The following AK4 variants were observed in gnomAD, a reference collection of about 807,000 sequenced individuals.
The protein encoded by AK4 is adenylate kinase 4, mitochondrial.
Under a neutral mutation model 24.6 loss-of-function variants are expected in AK4, and 13 were observed. That is an observed-to-expected ratio of 0.53 (90% CI 0.34 to 0.84). The LOEUF (loss-of-function observed/expected upper bound fraction) is 0.84. Ranked by LOEUF, AK4 falls within the 40% of genes least tolerant of loss-of-function variation. AK4 has a pLI of 0.01. For missense variants in AK4, 192 were observed against 288.2 expected, an observed-to-expected ratio of 0.67 and a Z score of 2.42; for synonymous variants, 88 against 107.0, an observed-to-expected ratio of 0.82 and a Z score of 1.10.
At chr1:65,167,351 G>A (rs1287029971) in intron 1 of AK4, among the ~76,000 whole-genome samples, 1 of 152,082 alleles carries the variant, frequency 6.6e-6, no homozygotes, top group East Asian at 1.9e-4. Flanking sequence ...GTCTACAAGA[G>A]AGCTATAAAA....
At chr1:65,206,358 G>A (rs1320529948) in intron 2 of AK4, among the ~76,000 whole-genome samples, 1 of 152,194 alleles carries the variant, frequency 6.6e-6, no homozygotes, top group Non-Finnish European at 1.5e-5. Flanking sequence ...AAAAATATGG[G>A]CCTATGGTGA....
chr1:65,225,643 C>A (rs1054522140), intron 4 of AK4, among the ~76,000 whole-genome samples: 1 of 152,116 alleles, frequency 6.6e-6, no homozygotes, highest in Non-Finnish European at 1.5e-5. Context: ...GTAGTCCCCC[C>A]CAAAATTTAG....
intron 1 of AK4, among the ~76,000 whole-genome samples, chr1:65,171,456 C>T (rs1203619361): frequency 2.0e-5 from 3 of 151,524 alleles, no homozygotes; most frequent in Non-Finnish European, 4.4e-5. Context: ...TACAGGCGCC[C>T]GCCATCATGC....
Position 65,230,702 on chromosome 1 carries a change from T to C in AK4, c.*4525T>C, listed in dbSNP as rs1453382034. 6.6e-6 allele frequency: 1 copy of C among 152,230 alleles called. No homozygotes were observed. Among genetic ancestry groups the C allele is most frequent in the Non-Finnish European group, 1.5e-5 (1 of 68,040 alleles). The allele number at this position is 152,230 out of a possible 1,614,324, so 9.4% of individuals were successfully genotyped here. On this transcript the variant is annotated 3_prime_UTR_variant, in exon 5 of 5. Transcript: ENST00000327299. Reference sequence around the variant, plus strand: ...TTTCCCTAGTTTGAGCTCCCTGTTCTCTTTAACAGATAAAACAACATATTT... The same window carrying C: ...TTTCCCTAGTTTGAGCTCCCTGTTCCCTTTAACAGATAAAACAACATATTT...
intron 1 of AK4, among the ~76,000 whole-genome samples, chr1:65,165,353 A>G (rs956906240): frequency 6.6e-6 from 1 of 152,128 alleles, no homozygotes; most frequent in Non-Finnish European, 1.5e-5. Context: ...TTTTTGATGT[A>G]GGTATCATGT....
At chr1:65,190,261 T>C (rs531990648) in intron 1 of AK4, among the ~76,000 whole-genome samples, 1 of 128,270 alleles carries the variant, frequency 7.8e-6, no homozygotes, top group African/African-American at 3.5e-5. Context: ...TCTTTCTTTC[T>C]TTTTTTTTTT....
intron 1 of AK4, among the ~76,000 whole-genome samples, chr1:65,177,512 C>T (rs1244448051): frequency 6.6e-6 from 1 of 152,182 alleles, no homozygotes; most frequent in Non-Finnish European, 1.5e-5. Context: ...CTTGTACAAC[C>T]TTCCTTGAGG....
intron 3 of AK4, among the ~76,000 whole-genome samples, chr1:65,223,527 G>A (rs1009306058): frequency 2.0e-5 from 3 of 151,916 alleles, no homozygotes; most frequent in African/African-American, 7.3e-5. Context: ...AGAGTGGGGG[G>A]GTTCTTGCCT....
chr1:65,184,140 T>TATTTGA lies in AK4; in HGVS notation c.146-6565_146-6560dup, dbSNP rs1217510000. 2.6e-5 allele frequency among the ~76,000 whole-genome samples: 4 copies of TATTTGA among 152,206 alleles called. No individual in the cohort carries two copies. The East Asian group carries it at 7.7e-4, about 29-fold the overall frequency. ...TTCTCAAGGTTACCAAGATTATATCTATTTGAATTTAGTAGTGATTGAATG... is the reference window on the plus strand; with the variant it reads ...TTCTCAAGGTTACCAAGATTATATCTATTTGAATTTGAATTTAGTAGTGATTGAATG... On this transcript the variant is annotated intron_variant, in intron 1 of 4. Transcript: ENST00000327299.
intron 2 of AK4, among the ~76,000 whole-genome samples, chr1:65,200,039 C>CTT (rs10633741): frequency 0.48 from 73,546 of 151,854 alleles, 19,738 homozygotes; most frequent in East Asian, 0.72. Context: ...GACCACATGA[C>CTT]TGCTAGAAGA....
intron 1 of AK4, among the ~76,000 whole-genome samples, chr1:65,176,508 C>A (rs112372178): frequency 1.3e-5 from 2 of 152,110 alleles, no homozygotes; most frequent in Admixed American, 1.3e-4. Flanking sequence ...GCATAATGAT[C>A]AGTTGATTTC....
chr1:65,174,043 G>C (rs1468803726), intron 1 of AK4, among the ~76,000 whole-genome samples: 1 of 152,076 alleles, frequency 6.6e-6, no homozygotes. Context: ...CTTAGGTTCA[G>C]CTCACTGATT....
chr1:65,195,405 CTT>C (rs1651435660), intron 2 of AK4, among the ~76,000 whole-genome samples: 1 of 152,184 alleles, frequency 6.6e-6, no homozygotes, highest in Non-Finnish European at 1.5e-5. Context: ...TAAACTTTGA[CTT>C]TGCCACCACG....
At chr1:65,167,467 T>G (rs1278791578) in intron 1 of AK4, among the ~76,000 whole-genome samples, 1 of 152,102 alleles carries the variant, frequency 6.6e-6, no homozygotes, top group Non-Finnish European at 1.5e-5. Flanking sequence ...TAGATTTTTT[T>G]TTTTTTACAC....
At chr1:65,198,920 T>C (rs1651572030) in intron 2 of AK4, among the ~76,000 whole-genome samples, 6 of 151,180 alleles carry the variant, frequency 4.0e-5, no homozygotes, top group Admixed American at 6.6e-5. Context: ...TACAAAAATA[T>C]AGAAAAATTA....
intron 1 of AK4, among the ~76,000 whole-genome samples, chr1:65,161,290 T>C (rs757764016): frequency 1.3e-5 from 2 of 152,142 alleles, no homozygotes; most frequent in African/African-American, 2.4e-5. Context: ...ATTTGTCACA[T>C]GTCCCAGCAT....
At chr1:65,152,378 ATATATATTTTTTTTTTTTTTT>A (rs1557434516) in intron 1 of AK4, among the ~76,000 whole-genome samples, 31 of 58,198 alleles carry the variant, frequency 5.3e-4, no homozygotes, top group African/African-American at 1.7e-3. Context: ...ATATATATAT[ATATATATTTTTTTTTTTTTTT>A]TTTTTTTTTT....
intron 1 of AK4, among the ~76,000 whole-genome samples, chr1:65,189,855 A>C (rs148645305): frequency 3.9e-5 from 6 of 152,348 alleles, no homozygotes; most frequent in Admixed American, 3.9e-4. Context: ...TGAACTTGGC[A>C]TTCCACTAAC....
chr1:65,191,924 AAG>A (rs1401041742), intron 2 of AK4, among the ~76,000 whole-genome samples: 1 of 152,174 alleles, frequency 6.6e-6, no homozygotes, highest in African/African-American at 2.4e-5. Flanking sequence ...CACCATTCAT[AAG>A]AGAGTGGATT....
Sources: gnomAD v4.1 joint callset for allele counts (sites outside exome capture counted in the v4.1 genomes callset) on GRCh38, gnomAD v4.1.1 for gene constraint, MANE v1.5 for transcripts, NCBI Gene and HGNC (gene_info 2026-07-23, HGNC 2026-07-21) for gene names.